Variants in FOXP2 observed in about 807,000 individuals in gnomAD.
FOXP2 encodes the protein forkhead box protein P2.
Under a neutral mutation model 115.8 loss-of-function variants are expected in FOXP2, and 12 were observed. That is an observed-to-expected ratio of 0.10 (90% CI 0.07 to 0.17). FOXP2 has a LOEUF of 0.17. Ranked by LOEUF, FOXP2 falls within the 10% of genes least tolerant of loss-of-function variation. FOXP2 has a pLI of 1.00. For missense variants in FOXP2, 629 were observed against 843.5 expected (o/e 0.75, Z 3.15); for synonymous variants, 328 against 297.7 (o/e 1.10, Z -1.05).
At chr7:114,199,379 TATAAA>T (rs1305882602) in intron 1 of FOXP2, among the ~76,000 whole-genome samples, 1 of 152,112 alleles carries the variant, frequency 6.6e-6, no homozygotes, top group African/African-American at 2.4e-5. Context: ...ATGAAAATAA[TATAAA>T]ATAAATACAT....
chr7:114,605,955 T>G (rs1400094540), intron 3 of FOXP2, among the ~76,000 whole-genome samples: 1 of 152,162 alleles, frequency 6.6e-6, no homozygotes, highest in Non-Finnish European at 1.5e-5. Flanking sequence ...TGCAAGACAT[T>G]AGAAGCCTGG....
chr7:114,468,345 T>C (rs1404225813), intron 2 of FOXP2, among the ~76,000 whole-genome samples: 1 of 152,148 alleles, frequency 6.6e-6, no homozygotes, highest in Admixed American at 6.5e-5. Context: ...TATGTGTATG[T>C]GTGTGTAATG....
At chr7:114,597,774 C>G (rs1457447359) in intron 3 of FOXP2, among the ~76,000 whole-genome samples, 1 of 152,134 alleles carries the variant, frequency 6.6e-6, no homozygotes, top group African/African-American at 2.4e-5. Flanking sequence ...TGCTTCCCAT[C>G]AAGTATGACA....
chr7:114,435,673 G>A (rs926713786), intron 2 of FOXP2, among the ~76,000 whole-genome samples: 1 of 152,150 alleles, frequency 6.6e-6, no homozygotes, highest in Non-Finnish European at 1.5e-5. Flanking sequence ...GAATGGCTGG[G>A]ATTACAGGCA....
chr7:114,343,372 T>C (rs1275532003), intron 2 of FOXP2, among the ~76,000 whole-genome samples: 3 of 151,566 alleles, frequency 2.0e-5, no homozygotes, highest in African/African-American at 4.8e-5. Context: ...ACTGGCTACA[T>C]TGCTGCTCAT....
chr7:114,115,005 AT>A (rs545736043), intron 1 of FOXP2, among the ~76,000 whole-genome samples: 80 of 149,080 alleles, frequency 5.4e-4, no homozygotes, highest in African/African-American at 1.4e-3. Flanking sequence ...TGTGTGTTGC[AT>A]TTTTTTTTTG....
At chr7:114,448,199 C>G (rs868598732) in intron 2 of FOXP2, among the ~76,000 whole-genome samples, 3 of 152,036 alleles carry the variant, frequency 2.0e-5, no homozygotes, top group South Asian at 2.1e-4. Context: ...AACGCAGTCT[C>G]TAGCAAATGG....
intron 2 of FOXP2, among the ~76,000 whole-genome samples, chr7:114,498,472 CT>C (rs1386319308): frequency 1.8e-4 from 27 of 152,002 alleles, no homozygotes; most frequent in African/African-American, 6.5e-4. Flanking sequence ...ACAATACAGC[CT>C]GGTTAAGTGC....
chr7:114,596,296 G>A (rs1214314706), intron 3 of FOXP2, among the ~76,000 whole-genome samples: 4 of 152,022 alleles, frequency 2.6e-5, no homozygotes, highest in Non-Finnish European at 4.4e-5. Context: ...GCAAGCAATT[G>A]TCAAACTTGT....
intron 1 of FOXP2, among the ~76,000 whole-genome samples, chr7:114,425,874 G>A (rs1793823016): frequency 6.6e-6 from 1 of 151,462 alleles, no homozygotes; most frequent in South Asian, 2.1e-4. Context: ...TAAAAAAATA[G>A]GCAATATCTG....
chr7:114,473,365 G>A (rs1431797470), intron 2 of FOXP2, among the ~76,000 whole-genome samples: 1 of 152,194 alleles, frequency 6.6e-6, no homozygotes, highest in Non-Finnish European at 1.5e-5. Flanking sequence ...AGACGCAAGA[G>A]TCTTCTCTGA....
chr7:114,682,359 A>G (rs1392666119), intron 16 of FOXP2, among the ~76,000 whole-genome samples: 1 of 152,186 alleles, frequency 6.6e-6, no homozygotes, highest in East Asian at 1.9e-4. Context: ...CATAAAATGC[A>G]TCACGGTAAA....
intron 2 of FOXP2, among the ~76,000 whole-genome samples, chr7:114,310,648 A>G (rs1242272674): frequency 6.6e-6 from 1 of 151,610 alleles, no homozygotes; most frequent in African/African-American, 2.4e-5. Flanking sequence ...TCCTCTTTAG[A>G]TTCTGTGTTT....
At chr7:114,562,070 C>T (rs892062986) in intron 3 of FOXP2, among the ~76,000 whole-genome samples, 1 of 152,158 alleles carries the variant, frequency 6.6e-6, no homozygotes, top group Non-Finnish European at 1.5e-5. Flanking sequence ...CCACCACCAC[C>T]TCCACCCACC....
In FOXP2 at chr7:114,176,945, T is replaced by A. The variant is rs116132920; in HGVS notation, c.-102+13857T>A. 1.3e-3 allele frequency among the ~76,000 whole-genome samples: 191 copies of A among 152,274 alleles called. 2 individuals are homozygous for A. The highest frequency in any genetic ancestry group is 4.3e-3 in the African/African-American group (179 of 41,560). ...AATTTTGAACTTTATACAAATGGTA[T>A]CATTTGGTATAGTCTTCTGTGTCTG... is the stretch of plus-strand genomic sequence containing the variant. On this transcript the variant is annotated intron_variant, in intron 1 of 17. Transcript: ENST00000634411.
chr7:114,577,337 C>T (rs1051528886), intron 3 of FOXP2, among the ~76,000 whole-genome samples: 1 of 151,800 alleles, frequency 6.6e-6, no homozygotes, highest in African/African-American at 2.4e-5. Flanking sequence ...TTAACAATGG[C>T]GTTCAGAAAG....
intron 1 of FOXP2, among the ~76,000 whole-genome samples, chr7:114,110,713 A>G (rs1791247931): frequency 6.6e-6 from 1 of 152,148 alleles, no homozygotes; most frequent in Non-Finnish European, 1.5e-5. Flanking sequence ...GTACTTCAAG[A>G]GGTTGAGTAT....
intron 10 of FOXP2, 73 bp from the exon 11 acceptor site, chr7:114,657,993 C>A: frequency 1.3e-6 from 2 of 1,545,732 alleles, no homozygotes; most frequent in Non-Finnish European, 1.8e-6. Flanking sequence ...AATCCACTCT[C>A]ATTTGTCAAA....
chr7:114,160,428 T>C (rs1792797423), upstream of FOXP2, among the ~76,000 whole-genome samples: 1 of 152,160 alleles, frequency 6.6e-6, no homozygotes, highest in Admixed American at 6.6e-5. Context: ...TTTGTAATTC[T>C]TTCTTTGTAT....
Sources: allele counts gnomAD v4.1 joint callset (sites outside exome capture counted in the v4.1 genomes callset), GRCh38; gene constraint gnomAD v4.1.1; transcripts MANE v1.5; gene names NCBI Gene and HGNC (gene_info 2026-07-23, HGNC 2026-07-21).